Variants in DSCAM observed in about 807,000 individuals in gnomAD.
DSCAM encodes cell adhesion molecule DSCAM.
In DSCAM, 47 loss-of-function variants were observed where a neutral mutation model predicts 217.7. That is an observed-to-expected ratio of 0.22 (90% CI 0.17 to 0.28). The LOEUF (loss-of-function observed/expected upper bound fraction) is 0.28. Ranked by LOEUF, DSCAM falls within the 10% of genes least tolerant of loss-of-function variation. The pLI is 1.00. For missense variants in DSCAM, 2,080 were observed against 2,618.3 expected (o/e 0.79, Z 4.49); for synonymous variants, 1,056 against 1,015.3 (o/e 1.04, Z -0.76).
chr21:40,764,995 A>G (rs2048746025), intron 1 of DSCAM, among the ~76,000 whole-genome samples: 1 of 152,036 alleles, frequency 6.6e-6, no homozygotes, highest in African/African-American at 2.4e-5. Context: ...AAAATGCCCA[A>G]TGCATGCAGG....
chr21:40,351,203 C>T (rs867764697), intron 5 of DSCAM, among the ~76,000 whole-genome samples: 17 of 152,054 alleles, frequency 1.1e-4, no homozygotes, highest in African/African-American at 4.1e-4. Context: ...AGCTGAGTAA[C>T]TGTGAGATTC....
At chr21:40,464,264 T>G (rs912216621) in intron 3 of DSCAM, among the ~76,000 whole-genome samples, 2 of 152,194 alleles carry the variant, frequency 1.3e-5, no homozygotes, top group African/African-American at 4.8e-5. Context: ...GCTGCCCACA[T>G]GGACCTTCCT....
chr21:40,088,524 T>C (rs1275604215), intron 21 of DSCAM, among the ~76,000 whole-genome samples: 1 of 152,130 alleles, frequency 6.6e-6, no homozygotes, highest in Non-Finnish European at 1.5e-5. Flanking sequence ...AAAAAGAAAA[T>C]GCCAGAGGGC....
intron 3 of DSCAM, among the ~76,000 whole-genome samples, chr21:40,578,528 G>A (rs1316088231): frequency 6.6e-6 from 1 of 152,176 alleles, no homozygotes; most frequent in Non-Finnish European, 1.5e-5. Flanking sequence ...GGACCAATCA[G>A]CAGGATGTGG....
intron 1 of DSCAM, among the ~76,000 whole-genome samples, chr21:40,748,566 C>T (rs779104716): frequency 2.0e-5 from 3 of 151,906 alleles, no homozygotes; most frequent in Non-Finnish European, 2.9e-5. Flanking sequence ...CTATAAAACG[C>T]CAATGAAAGA....
intron 3 of DSCAM, among the ~76,000 whole-genome samples, chr21:40,554,706 G>A (rs557313371): frequency 9.1e-4 from 138 of 152,136 alleles, no homozygotes; most frequent in African/African-American, 3.1e-3. Flanking sequence ...CCTATTTTTA[G>A]GTATTCTTAG....
At chr21:40,569,295 A>G (rs545953974) in intron 3 of DSCAM, among the ~76,000 whole-genome samples, 14 of 152,354 alleles carry the variant, frequency 9.2e-5, no homozygotes, top group Non-Finnish European at 1.3e-4. Context: ...GGGTCAGGCT[A>G]TAGTTTCCAG....
intron 18 of DSCAM, among the ~76,000 whole-genome samples, chr21:40,134,778 T>C (rs1010094786): frequency 2.0e-5 from 3 of 152,184 alleles, no homozygotes; most frequent in Non-Finnish European, 4.4e-5. Flanking sequence ...TTTTTATTTG[T>C]CAACTATACC....
chr21:40,659,455 CTGTT>C (rs1454721641), intron 3 of DSCAM, among the ~76,000 whole-genome samples: 1 of 151,922 alleles, frequency 6.6e-6, no homozygotes, highest in Admixed American at 6.6e-5. Flanking sequence ...ATTCTGTTTT[CTGTT>C]TATTATCTAT....
At chr21:40,805,552 G>A (rs1003156295) in intron 1 of DSCAM, among the ~76,000 whole-genome samples, 1 of 152,116 alleles carries the variant, frequency 6.6e-6, no homozygotes, top group African/African-American at 2.4e-5. Flanking sequence ...TCCCCTTCCA[G>A]GTTCTGGGAA....
chr21:40,061,545 G>A (rs1379186369), intron 28 of DSCAM, among the ~76,000 whole-genome samples: 1 of 149,684 alleles, frequency 6.7e-6, no homozygotes, highest in Admixed American at 6.7e-5. Context: ...CTCCAGCCTG[G>A]GCGACAAGAG....
At chr21:40,126,167 A>G (rs1000158173) in intron 19 of DSCAM, among the ~76,000 whole-genome samples, 3 of 152,082 alleles carry the variant, frequency 2.0e-5, no homozygotes, top group African/African-American at 7.2e-5. Flanking sequence ...AGCCTTCCTT[A>G]GAGGTAAGTT....
chr21:40,801,693 C>T (rs2091742381), intron 1 of DSCAM, among the ~76,000 whole-genome samples: 1 of 152,178 alleles, frequency 6.6e-6, no homozygotes, highest in Admixed American at 6.5e-5. Context: ...CTAGGTATGG[C>T]TTGTGGCACA....
intron 3 of DSCAM, among the ~76,000 whole-genome samples, chr21:40,622,002 A>G (rs2089525710): frequency 6.6e-6 from 1 of 152,150 alleles, no homozygotes; most frequent in African/African-American, 2.4e-5. Context: ...AGAGAATAAA[A>G]GATAAAATTC....
intron 6 of DSCAM, among the ~76,000 whole-genome samples, chr21:40,341,528 T>A (rs1230320284): frequency 6.6e-6 from 1 of 152,140 alleles, no homozygotes; most frequent in African/African-American, 2.4e-5. Flanking sequence ...CACACCAGAG[T>A]AACCACAAAA....
chr21:40,075,249 T>A, intron 26 of DSCAM, 36 bp from the exon 27 acceptor site: 1 of 1,610,810 alleles, frequency 6.2e-7, no homozygotes. Context: ...TGGCTATTAA[T>A]GAAGACGGCA....
intron 3 of DSCAM, among the ~76,000 whole-genome samples, chr21:40,550,083 T>C (rs1053519600): frequency 6.6e-5 from 10 of 152,182 alleles, no homozygotes; most frequent in African/African-American, 1.9e-4. Flanking sequence ...CTATAGGAAA[T>C]GTCCGATATC....
intron 3 of DSCAM, among the ~76,000 whole-genome samples, chr21:40,515,764 G>C (rs1362065351): frequency 2.0e-5 from 3 of 152,088 alleles, no homozygotes; most frequent in African/African-American, 7.2e-5. Context: ...CGTAGGCAAT[G>C]TTAACTGATT....
chr21:40,068,860 C>T (rs961913313), intron 27 of DSCAM, among the ~76,000 whole-genome samples: 4 of 151,984 alleles, frequency 2.6e-5, no homozygotes, highest in East Asian at 1.9e-4. Flanking sequence ...CTGAGGCAGG[C>T]GGATCACCTG....
Sources: gnomAD v4.1 joint callset for allele counts (sites outside exome capture counted in the v4.1 genomes callset) on GRCh38, gnomAD v4.1.1 for gene constraint, MANE v1.5 for transcripts, NCBI Gene and HGNC (gene_info 2026-07-23, HGNC 2026-07-21) for gene names.